OPHN1: variants seen among roughly 807,000 people sequenced by gnomAD.
OPHN1 encodes the protein oligophrenin 1.
In OPHN1, 11 loss-of-function variants were observed where a neutral mutation model predicts 60.7. That is an observed-to-expected ratio of 0.18 (90% CI 0.11 to 0.30). The LOEUF (loss-of-function observed/expected upper bound fraction) is 0.30, where lower values mean the gene tolerates loss of function less well. OPHN1 is among the 10% of genes least tolerant of loss of function. The probability of loss-of-function intolerance (pLI) is 1.00; values close to 1 mark genes in which losing one functional copy is unlikely to be tolerated. For synonymous variants in OPHN1, 226 were observed against 222.6 expected (o/e 1.02, Z -0.14); for missense variants, 449 against 611.0 (o/e 0.73, Z 2.80).
At chrX:68,313,632 C>G (rs994135171) in intron 2 of OPHN1, among the ~76,000 whole-genome samples, 6 of 110,894 alleles carry the variant, frequency 5.4e-5, no homozygotes, top group Non-Finnish European at 1.1e-4. Flanking sequence ...TTGGTGGGAG[C>G]TAAAAATTAA....
chrX:68,342,137 T>C lies in OPHN1; in HGVS notation c.155-43041A>G, dbSNP rs192657166. ...GGTGTGCACCACCATGCCCGGCTGA[T>C]TTTTCTATTTTTTTGTAGAGAAGGG... On this transcript the variant is annotated intron_variant, in intron 2 of 24. Coordinates refer to ENST00000355520, the MANE Select transcript of OPHN1 (RefSeq NM_002547.3). Among the ~76,000 whole-genome samples, 595 of 108,366 alleles carry C rather than the reference T, an allele frequency of 5.5e-3. 6 individuals carry two copies. Among genetic ancestry groups the C allele is most frequent in the African/African-American group, 0.019 (564 of 29,850 alleles). The allele number at this position is 108,366 out of a possible 115,157, so 94.1% of individuals were successfully genotyped here.
chrX:68,079,863 T>C (rs923842116), intron 19 of OPHN1, among the ~76,000 whole-genome samples: 2 of 111,896 alleles, frequency 1.8e-5, no homozygotes, highest in African/African-American at 6.5e-5. Flanking sequence ...TCCCCCTCTC[T>C]CACATCCCAC....
intron 2 of OPHN1, among the ~76,000 whole-genome samples, chrX:68,379,607 A>G (rs2078583150): frequency 9.3e-6 from 1 of 107,389 alleles, no homozygotes; most frequent in Non-Finnish European, 1.9e-5. Flanking sequence ...ACGTCCCATC[A>G]ATACCTAATT....
intron 18 of OPHN1, among the ~76,000 whole-genome samples, chrX:68,106,077 G>T (rs978612577): frequency 1.0e-5 from 1 of 99,549 alleles, no homozygotes; most frequent in East Asian, 3.4e-4. Context: ...CACAACGAGA[G>T]AGAGAAAAAG....
intron 2 of OPHN1, among the ~76,000 whole-genome samples, chrX:68,302,259 G>C (rs2078124617): frequency 8.9e-6 from 1 of 112,083 alleles, no homozygotes; most frequent in Non-Finnish European, 1.9e-5. Context: ...ATGGTAAATT[G>C]GTAAGTATAC....
intron 2 of OPHN1, among the ~76,000 whole-genome samples, chrX:68,429,637 C>T: frequency 9.1e-6 from 1 of 110,479 alleles, no homozygotes; most frequent in Non-Finnish European, 1.9e-5. Flanking sequence ...GTGGGAGGAT[C>T]ACTTGAGCCC....
chrX:68,301,445 C>CAAAAA (rs56927719), intron 2 of OPHN1, among the ~76,000 whole-genome samples: 15 of 35,343 alleles, frequency 4.2e-4, no homozygotes, highest in Admixed American at 1.1e-3. Context: ...GACTCCATCT[C>CAAAAA]AAAAAAAAAA....
intron 2 of OPHN1, among the ~76,000 whole-genome samples, chrX:68,376,644 T>C (rs1005602713): frequency 3.6e-5 from 4 of 110,944 alleles, no homozygotes; most frequent in Admixed American, 9.7e-5. Flanking sequence ...GACTTAAACA[T>C]AGCACAAAGA....
chrX:68,195,642 A>C lies in OPHN1; in HGVS notation c.1105-1144T>G, dbSNP rs767859494. 8.9e-5 allele frequency among the ~76,000 whole-genome samples: 10 copies of C among 112,223 alleles called. No individual in the cohort carries two copies. The South Asian group carries it at 3.7e-3, about 42-fold the overall frequency. ...TGGAGTGTTTAGTAAAGGAGCAACA[A>C]CATTAGTAATGTGAGGTTGCAGGAA... is the stretch of plus-strand genomic sequence containing the variant. On this transcript the variant is annotated intron_variant, in intron 12 of 24. Transcript: ENST00000355520.
chrX:68,363,954 T>G (rs1180983668), intron 2 of OPHN1, among the ~76,000 whole-genome samples: 1 of 111,497 alleles, frequency 9.0e-6, no homozygotes, highest in East Asian at 2.8e-4. Context: ...GTTTGAAATT[T>G]TCCATACTAA....
chrX:68,209,070 A>AT (rs1253793186), intron 9 of OPHN1, among the ~76,000 whole-genome samples: 1 of 112,249 alleles, frequency 8.9e-6, no homozygotes, highest in Non-Finnish European at 1.9e-5. Flanking sequence ...AATTACAGTG[A>AT]TTTTTGCTAC....
In OPHN1 at chrX:68,433,012, A is replaced by G. The variant is rs751029060; in HGVS notation, c.9T>C (p.His3=). The G allele has an allele frequency of 8.3e-7, 1 of 1,205,246 alleles. No homozygotes were observed. Among genetic ancestry groups the G allele is most frequent in the Non-Finnish European group, 1.1e-6 (1 of 892,083 alleles). ...AGCAGTCGCTGAACTCCAGCGGGGGATGACCCATGGTTCTGATGGCCGGGA... is the reference window on the plus strand; with the variant it reads ...AGCAGTCGCTGAACTCCAGCGGGGGGTGACCCATGGTTCTGATGGCCGGGA... MG[H]PPLEFSDCYL... is the part of the protein sequence containing the mutation. The change falls in exon 2 of 25, where the codon CAT becomes CAC. Residue 3 remains histidine, a synonymous_variant. Transcript: ENST00000355520.
intron 15 of OPHN1, among the ~76,000 whole-genome samples, chrX:68,192,114 G>T (rs2077490767): frequency 9.0e-6 from 1 of 110,671 alleles, no homozygotes. Context: ...AGTAAACCAA[G>T]AACAAAGATA....
At chrX:68,174,026 T>C (rs149584495) in intron 15 of OPHN1, among the ~76,000 whole-genome samples, 1 of 112,179 alleles carries the variant, frequency 8.9e-6, no homozygotes, top group African/African-American at 3.2e-5. Flanking sequence ...AGTTCATTTT[T>C]TGAAAAATCG....
intron 2 of OPHN1, among the ~76,000 whole-genome samples, chrX:68,314,031 G>A (rs1295375888): frequency 9.1e-6 from 1 of 110,397 alleles, no homozygotes; most frequent in Non-Finnish European, 1.9e-5. Context: ...AAATAAATGA[G>A]AGGACATTAC....
intron 22 of OPHN1, 32 bp from the exon 23 acceptor site, chrX:68,052,622 T>G (rs753509168): frequency 4.2e-6 from 5 of 1,187,905 alleles, no homozygotes; most frequent in South Asian, 3.6e-5. Context: ...GTCCCATAAG[T>G]TGCTTTGGTA....
intron 23 of OPHN1, among the ~76,000 whole-genome samples, chrX:68,048,884 T>C (rs1173793929): frequency 8.9e-6 from 1 of 111,851 alleles, no homozygotes; most frequent in Non-Finnish European, 1.9e-5. Flanking sequence ...AGTTCTAAAT[T>C]ACCCATGTCT....
At chrX:68,337,612 G>C (rs986424301) in intron 2 of OPHN1, among the ~76,000 whole-genome samples, 1 of 110,692 alleles carries the variant, frequency 9.0e-6, no homozygotes, top group African/African-American at 3.3e-5. Flanking sequence ...TTAGCTTCCT[G>C]AGTTGCTAGG....
chrX:68,426,903 AAC>A (rs1195742996), intron 2 of OPHN1, among the ~76,000 whole-genome samples: 47 of 99,928 alleles, frequency 4.7e-4, no homozygotes, highest in African/African-American at 1.5e-3. Flanking sequence ...AAAAAAAAAA[AAC>A]AAAAACATAC....
Sources: gnomAD v4.1 joint callset for allele counts (sites outside exome capture counted in the v4.1 genomes callset) on GRCh38, gnomAD v4.1.1 for gene constraint, MANE v1.5 for transcripts, NCBI Gene and HGNC (gene_info 2026-07-23, HGNC 2026-07-21) for gene names.